The following POLK variants were observed in gnomAD, a reference collection of about 807,000 sequenced individuals.
POLK encodes the protein polymerase (DNA directed) kappa.
POLK carries 76 observed loss-of-function variants against 94.0 expected under a neutral mutation model. The ratio of observed to expected loss-of-function variants is 0.81; its 90% CI spans 0.67 to 0.98. The LOEUF is 0.98. Ranked by LOEUF, POLK falls within the 50% of genes least tolerant of loss-of-function variation. The pLI, the probability that POLK is intolerant of heterozygous loss-of-function variation, is 0.00. For synonymous variants in POLK, 349 were observed against 325.4 expected, an observed-to-expected ratio of 1.07 and a Z score of -0.78; for missense variants, 954 against 1,010.1, an observed-to-expected ratio of 0.94 and a Z score of 0.75.
intron 3 of POLK, among the ~76,000 whole-genome samples, chr5:75,562,461 G>A (rs10044053): frequency 0.22 from 33,793 of 151,976 alleles, 3,900 homozygotes; most frequent in South Asian, 0.4. Flanking sequence ...GCAAACAGAG[G>A]TAATTTGACT....
chr5:75,536,424 G>A (rs1769447322), intron 1 of POLK, among the ~76,000 whole-genome samples: 1 of 152,192 alleles, frequency 6.6e-6, no homozygotes, highest in African/African-American at 2.4e-5. Context: ...TGGATTGGAA[G>A]TTCTCGTAGA....
chr5:75,551,510 C>T (rs1770331135), intron 2 of POLK, among the ~76,000 whole-genome samples: 1 of 151,800 alleles, frequency 6.6e-6, no homozygotes, highest in Admixed American at 6.6e-5. Flanking sequence ...AAAATGTCTA[C>T]AACTCAATAA....
chr5:75,512,492 G>A (rs1182863787), intron 1 of POLK: 3 of 152,206 alleles, frequency 2.0e-5, no homozygotes, highest in Admixed American at 6.5e-5. Flanking sequence ...GCCCCTCAAA[G>A]ATAGGAAAGG....
At chr5:75,609,586 G>C in the POLK span, 1 of 152,140 alleles carries the variant, frequency 6.6e-6, no homozygotes, top group Non-Finnish European at 1.5e-5. Flanking sequence ...TTGTAAACAT[G>C]CTACATATAC....
Position 75,589,380 on chromosome 5 carries a change from T to C in POLK, c.1260-964T>C, listed in dbSNP as rs1028278246. Among the ~76,000 whole-genome samples the C allele has an allele frequency of 1.2e-3, 83 of 67,788 alleles. 1 individual carries two copies. The highest frequency in any genetic ancestry group is 4.2e-3 in the African/African-American group (79 of 19,004). The allele number at this position is 67,788 out of a possible 152,430, so 44.5% of individuals were successfully genotyped here. On this transcript the variant is annotated intron_variant, in intron 10 of 14. Coordinates refer to ENST00000241436, the Ensembl canonical transcript of POLK. ...TTCTTGTTTGCTTATTTTATATATA[T>C]ACACACATACACACACACACACACA...
At chr5:75,523,200 A>G (rs1768668097) in intron 1 of POLK, among the ~76,000 whole-genome samples, 1 of 152,046 alleles carries the variant, frequency 6.6e-6, no homozygotes, top group African/African-American at 2.4e-5. Flanking sequence ...TTTGCATTTA[A>G]AAATAGAAAA....
chr5:75,575,962 A>G (rs1261817000), intron 5 of POLK, among the ~76,000 whole-genome samples: 1 of 152,148 alleles, frequency 6.6e-6, no homozygotes, highest in Admixed American at 6.6e-5. Flanking sequence ...CAAGCTGGAA[A>G]ATATGCATAT....
chr5:75,541,206 G>A lies in POLK; in HGVS notation c.-13-5804G>A, dbSNP rs200915188. Among the ~76,000 whole-genome samples, 43 of 152,046 alleles carry A rather than the reference G, an allele frequency of 2.8e-4. No individual in the cohort carries two copies. In the East Asian group the frequency reaches 7.7e-3, roughly 27 times the overall value. On this transcript the variant is annotated intron_variant, in intron 1 of 14. Transcript: ENST00000241436. Reference sequence around the variant, plus strand: ...CTCGGGAGGCTGAGGCAGGAGAATCGCTTGAACCTGGGAGGCGGAGGTTGC... The same window carrying A: ...CTCGGGAGGCTGAGGCAGGAGAATCACTTGAACCTGGGAGGCGGAGGTTGC...
chr5:75,551,701 A>G (rs1045204357), intron 2 of POLK, among the ~76,000 whole-genome samples: 3 of 152,330 alleles, frequency 2.0e-5, no homozygotes, highest in Non-Finnish European at 4.4e-5. Context: ...TAGCTATAAT[A>G]AATAAGACAC....
chr5:75,584,610 G>C (rs1049308126), intron 8 of POLK, 150 bp from the exon 9 acceptor site: 1 of 533,970 alleles, frequency 1.9e-6, no homozygotes, highest in Non-Finnish European at 3.3e-6. Context: ...GGTGGAGGTT[G>C]TGGGGAGCCA....
upstream of POLK, chr5:75,511,162 G>A (rs1459061032): frequency 6.2e-7 from 1 of 1,611,788 alleles, no homozygotes; most frequent in South Asian, 1.1e-5. Context: ...TCCGTCTCTG[G>A]ATCCTCCTCC....
intron 3 of POLK, among the ~76,000 whole-genome samples, chr5:75,553,936 C>T (rs1161735464): frequency 6.6e-6 from 1 of 152,124 alleles, no homozygotes; most frequent in African/African-American, 2.4e-5. Context: ...CATTTAGAGA[C>T]CCAGGTTCTT....
chr5:75,575,236 C>T (rs1339660258), intron 5 of POLK, among the ~76,000 whole-genome samples: 2 of 152,122 alleles, frequency 1.3e-5, no homozygotes, highest in Admixed American at 6.6e-5. Flanking sequence ...GCTGGAGTGC[C>T]GTGACTCGAT....
upstream of POLK, chr5:75,511,663 C>A: frequency 6.6e-7 from 1 of 1,514,300 alleles, no homozygotes. Context: ...CCCTCCCCTT[C>A]GTCCTCCCAT....
Position 75,569,793 on chromosome 5 carries a change from C to A in POLK, c.408+301C>A, listed in dbSNP as rs968410399. On this transcript the variant is annotated intron_variant, in intron 4 of 14. Coordinates refer to ENST00000241436, the Ensembl canonical transcript of POLK. ...ATTTACAACCACTTCCCATCACTTGCAGTATGCCCGAGCTCTGTCAGATCA... is the reference window on the plus strand; with the variant it reads ...ATTTACAACCACTTCCCATCACTTGAAGTATGCCCGAGCTCTGTCAGATCA... Among the ~76,000 whole-genome samples, 3 of 152,174 alleles carry A rather than the reference C, an allele frequency of 2.0e-5. No individual in the cohort carries two copies. In the East Asian group the frequency reaches 5.8e-4, roughly 29 times the overall value.
At chr5:75,574,203 A>G (rs1771746239) in intron 5 of POLK, among the ~76,000 whole-genome samples, 1 of 152,126 alleles carries the variant, frequency 6.6e-6, no homozygotes, top group Non-Finnish European at 1.5e-5. Flanking sequence ...CTAGAACCAC[A>G]TTTTATTTAT....
chr5:75,535,365 C>T (rs1240489239), intron 1 of POLK, among the ~76,000 whole-genome samples: 1 of 152,140 alleles, frequency 6.6e-6, no homozygotes, highest in Non-Finnish European at 1.5e-5. Flanking sequence ...TGCCCTCCCT[C>T]TTCTTTCTAG....
chr5:75,567,752 C>T (rs953189088), intron 3 of POLK, among the ~76,000 whole-genome samples: 1 of 152,072 alleles, frequency 6.6e-6, no homozygotes, highest in Non-Finnish European at 1.5e-5. Flanking sequence ...CATTAAGATA[C>T]GAAGAGATAT....
intron 1 of POLK, among the ~76,000 whole-genome samples, chr5:75,529,290 C>G (rs1769028420): frequency 6.6e-6 from 1 of 152,044 alleles, no homozygotes; most frequent in Non-Finnish European, 1.5e-5. Flanking sequence ...GTGCCACACT[C>G]TTTTTAACAA....
Sources: allele counts gnomAD v4.1 joint callset (sites outside exome capture counted in the v4.1 genomes callset), GRCh38; gene constraint gnomAD v4.1.1; transcripts MANE v1.5; gene names NCBI Gene and HGNC (gene_info 2026-07-23, HGNC 2026-07-21).